The following EPS8 variants were observed in gnomAD, a reference collection of about 807,000 sequenced individuals.
The protein encoded by EPS8 is EGFR pathway substrate 8, signaling adaptor.
A neutral mutation model predicts 103.8 loss-of-function variants in EPS8; 42 were observed. The observed-to-expected ratio is 0.40, with a 90% CI of 0.32 to 0.52. EPS8 has a LOEUF of 0.52. Among genes scored for constraint, EPS8 ranks in the 20% least tolerant of loss-of-function variants. EPS8 has a pLI of 0.40. For missense variants in EPS8, 969 were observed against 1,005.1 expected, an observed-to-expected ratio of 0.96 and a Z score of 0.49; for synonymous variants, 344 against 344.6, an observed-to-expected ratio of 1.00 and a Z score of 0.02.
intron 8 of EPS8, among the ~76,000 whole-genome samples, chr12:15,663,323 C>T (rs1565486779): frequency 6.6e-6 from 1 of 152,104 alleles, no homozygotes; most frequent in Non-Finnish European, 1.5e-5. Context: ...CGCTATTCCA[C>T]AGAGATCACC....
intron 1 of EPS8, among the ~76,000 whole-genome samples, chr12:15,686,833 A>G (rs1414244075): frequency 6.6e-6 from 1 of 152,140 alleles, no homozygotes; most frequent in Non-Finnish European, 1.5e-5. Flanking sequence ...TTGCTGCCAC[A>G]TAATTAGTAA....
rs1170932877 is a variant in EPS8 at position 15,669,369 on chromosome 12, A to C, written c.516+18T>G. The C allele has an allele frequency of 6.3e-7, 1 of 1,587,842 alleles. No homozygotes were observed. The highest frequency in any genetic ancestry group is 2.2e-5 in the East Asian group (1 of 44,586). ...CAATCTGCTTAAAGAAGAAACAAAA[A>C]TTTCACCATTCTTTTACCTTAACCT... On this transcript the variant is annotated intron_variant, in intron 6 of 20. Transcript: ENST00000281172.
At position 15,736,242 on chromosome 12, in the gene EPS8, T is replaced by C. The variant is rs1383935984; in HGVS notation, c.-22+52919A>G. ...AGTATCATGTCACTTTAATGAACTG[T>C]AATAATTAACAATATTAACTTTTTT... On this transcript the variant is annotated intron_variant, in intron 1 of 20. Coordinates refer to ENST00000281172, the MANE Select transcript of EPS8 (RefSeq NM_004447.6). This position sits in a 1 kb window ranked among gnomAD's most constrained non-coding sequence, Gnocchi z 4.2. 6.6e-6 allele frequency among the ~76,000 whole-genome samples: 1 copy of C among 152,214 alleles called. No homozygotes were observed. Among genetic ancestry groups the C allele is most frequent in the African/African-American group, 2.4e-5 (1 of 41,444 alleles).
rs1297031724 is a variant in EPS8 at position 15,714,517 on chromosome 12, C to T, written c.-21-31545G>A. Among the ~76,000 whole-genome samples the T allele has an allele frequency of 6.6e-6, 1 of 152,038 alleles. No homozygotes were observed. Among genetic ancestry groups the T allele is most frequent in the Non-Finnish European group, 1.5e-5 (1 of 68,012 alleles). On this transcript the variant is annotated intron_variant, in intron 1 of 20. Coordinates refer to ENST00000281172, the MANE Select transcript of EPS8 (RefSeq NM_004447.6). The surrounding 1 kb of genome is among the most constrained non-coding windows in gnomAD (Gnocchi z 4.1). ...ATCAGCCAAGCATGGTGGTACACAC[C>T]AGCAGTCCTAGATGCTCATGAGGCT...
rs1170716391 is a variant in EPS8, at chr12:15,761,141, G to T, written c.-22+28020C>A. On this transcript the variant is annotated intron_variant, in intron 1 of 20. Coordinates refer to ENST00000281172, the MANE Select transcript of EPS8 (RefSeq NM_004447.6). The surrounding 1 kb of genome is among the most constrained non-coding windows in gnomAD (Gnocchi z 4.5). The stretch of plus-strand genomic sequence containing the variant: ...ACAAAAATCAGTAGCATTTCTACAT[G>T]CCAACAGACAACAATCTGAAAAAGA... Among the ~76,000 whole-genome samples, 1 of 151,786 alleles carries T rather than the reference G, an allele frequency of 6.6e-6. No homozygotes were observed. The highest frequency in any genetic ancestry group is 1.5e-5 in the Non-Finnish European group (1 of 67,902).
chr12:15,644,717 GTTAAA>G (rs1945292081), intron 15 of EPS8, among the ~76,000 whole-genome samples: 18 of 148,468 alleles, frequency 1.2e-4, no homozygotes, highest in African/African-American at 3.5e-4. Flanking sequence ...AAAAAAAACT[GTTAAA>G]TTTAATTTGT....
rs532164649 is a variant in EPS8 at position 15,769,229 on chromosome 12, C to T, written c.-22+19932G>A. ...TGTTGGCAAAATAAATTGACATATG[C>T]TTAACAAAAAGCACACAAAAAATAA... On this transcript the variant is annotated intron_variant, in intron 1 of 20. Transcript: ENST00000281172. This position sits in a 1 kb window ranked among gnomAD's most constrained non-coding sequence, Gnocchi z 4.6. Among the ~76,000 whole-genome samples the T allele has an allele frequency of 6.7e-4, 102 of 152,158 alleles. 1 individual carries two copies. Among genetic ancestry groups the T allele is most frequent in the African/African-American group, 2.4e-3 (98 of 41,530 alleles).
chr12:15,659,449 G>T (rs1945566641), intron 10 of EPS8, among the ~76,000 whole-genome samples: 1 of 152,164 alleles, frequency 6.6e-6, no homozygotes, highest in African/African-American at 2.4e-5. Flanking sequence ...ATAAGCAAGA[G>T]AATGAAGTCA....
At chr12:15,674,456 T>C (rs1218408251) in intron 3 of EPS8, among the ~76,000 whole-genome samples, 3 of 152,132 alleles carry the variant, frequency 2.0e-5, no homozygotes, top group East Asian at 3.8e-4. Context: ...ATCTATTCCA[T>C]AGGGGAGAGG....
At chr12:15,719,804 A>AT (rs1946575014) in intron 1 of EPS8, among the ~76,000 whole-genome samples, 1 of 152,172 alleles carries the variant, frequency 6.6e-6, no homozygotes, top group African/African-American at 2.4e-5. Flanking sequence ...CTTTATTTAG[A>AT]TTATAGTTTA....
In EPS8 at chr12:15,717,834, T is replaced by C. The variant is rs1946549828; in HGVS notation, c.-21-34862A>G. Among the ~76,000 whole-genome samples the C allele has an allele frequency of 1.3e-5, 2 of 152,154 alleles. No homozygotes were observed. Among genetic ancestry groups the C allele is most frequent in the South Asian group, 4.1e-4 (2 of 4,836 alleles). On this transcript the variant is annotated intron_variant, in intron 1 of 20. Coordinates refer to ENST00000281172, the MANE Select transcript of EPS8 (RefSeq NM_004447.6). This position sits in a 1 kb window ranked among gnomAD's most constrained non-coding sequence, Gnocchi z 4.3. The stretch of plus-strand genomic sequence containing the variant: ...AACAAAATGGTAGTTTTGCCTTAAA[T>C]TGGCAATGTTTAGGAATGCATTAAG...
rs545294221 is a variant in EPS8, at chr12:15,628,518, G to A, written c.2044+2924C>T. On this transcript the variant is annotated intron_variant, in intron 18 of 20. Transcript: ENST00000281172. ...AGGACTACCATTTCAAAGGAAATGG[G>A]AGAAATACAAAGCAACTAAAGTTTG... is the stretch of plus-strand genomic sequence containing the variant. Among the ~76,000 whole-genome samples the A allele has an allele frequency of 4.6e-5, 7 of 152,276 alleles. No homozygotes were observed. In the South Asian group the frequency reaches 1.5e-3, roughly 32 times the overall value.
intron 1 of EPS8, among the ~76,000 whole-genome samples, chr12:15,741,202 C>T (rs1478191576): frequency 6.6e-6 from 1 of 152,200 alleles, no homozygotes; most frequent in Non-Finnish European, 1.5e-5. Context: ...ATAACTGTAT[C>T]TTTGAATTTG....
At chr12:15,678,914 C>CAAAAAAA (rs34794895) in intron 3 of EPS8, among the ~76,000 whole-genome samples, 1 of 54,736 alleles carries the variant, frequency 1.8e-5, no homozygotes. Context: ...ACTCTGTCTC[C>CAAAAAAA]AAAAAAAAAA....
Position 15,734,731 on chromosome 12 carries a change from C to A in EPS8, c.-21-51759G>T, listed in dbSNP as rs976791725. 8.7e-5 allele frequency among the ~76,000 whole-genome samples: 13 copies of A among 150,268 alleles called. No homozygotes were observed. The highest frequency in any genetic ancestry group is 2.0e-4 in the African/African-American group (8 of 40,994). On this transcript the variant is annotated intron_variant, in intron 1 of 20. Transcript: ENST00000281172. This position sits in a 1 kb window ranked among gnomAD's most constrained non-coding sequence, Gnocchi z 4.1. ...GTCTCAAAAACAAAAAACAAACAAA[C>A]AAAAAAAAACAAAAAAGATTCTCTG...
At chr12:15,660,525 A>C in intron 10 of EPS8, 89 bp downstream of exon 10, 2 of 751,408 alleles carry the variant, frequency 2.7e-6, no homozygotes, top group South Asian at 2.9e-5. Context: ...CGGCCTCCCA[A>C]AGTGCTGGGA....
intron 7 of EPS8, among the ~76,000 whole-genome samples, chr12:15,666,100 C>T (rs2135834503): frequency 6.6e-6 from 1 of 152,124 alleles, no homozygotes; most frequent in East Asian, 1.9e-4. Context: ...GTTGATTTTC[C>T]TTCTGAGTCT....
intron 15 of EPS8, among the ~76,000 whole-genome samples, chr12:15,646,654 C>T (rs1330652353): frequency 6.6e-6 from 1 of 152,004 alleles, no homozygotes; most frequent in Non-Finnish European, 1.5e-5. Flanking sequence ...GATGAAATGG[C>T]AAGAATGACT....
intron 1 of EPS8, among the ~76,000 whole-genome samples, chr12:15,758,805 T>C (rs1028838193): frequency 2.6e-5 from 4 of 152,184 alleles, no homozygotes; most frequent in Admixed American, 1.3e-4. Context: ...TCCTTGTTCT[T>C]AGGAGATATA....
Sources: allele counts gnomAD v4.1 joint callset (sites outside exome capture counted in the v4.1 genomes callset), GRCh38; gene constraint gnomAD v4.1.1; non-coding constraint Gnocchi (gnomAD v3.1); transcripts MANE v1.5; gene names NCBI Gene and HGNC (gene_info 2026-07-23, HGNC 2026-07-21).